The following FHOD3 variants were observed in gnomAD, a reference collection of about 807,000 sequenced individuals.
FHOD3 encodes formin homology 2 domain containing 3.
A neutral mutation model predicts 173.0 loss-of-function variants in FHOD3; 90 were observed. That is an observed-to-expected ratio of 0.52 (90% CI 0.44 to 0.62). FHOD3 has a LOEUF of 0.62. Ranked by LOEUF, FHOD3 falls within the 20% of genes least tolerant of loss-of-function variation. The pLI, the probability that FHOD3 is intolerant of heterozygous loss-of-function variation, is 0.00. For missense variants in FHOD3, 1,945 were observed against 2,034.7 expected (o/e 0.96, Z 0.85); for synonymous variants, 828 against 823.0 (o/e 1.01, Z -0.10).
chr18:36,411,643 A>G (rs2049355661), intron 3 of FHOD3, among the ~76,000 whole-genome samples: 1 of 152,212 alleles, frequency 6.6e-6, no homozygotes, highest in South Asian at 2.1e-4. Context: ...CACATTTACA[A>G]TGTTTGCAGT....
chr18:36,499,311 C>G, intron 3 of FHOD3, among the ~76,000 whole-genome samples: 1 of 152,102 alleles, frequency 6.6e-6, no homozygotes, highest in East Asian at 1.9e-4. Flanking sequence ...ACCATGTTGA[C>G]CAGACTGGTC....
chr18:36,636,119 C>T (rs910952826), intron 10 of FHOD3, among the ~76,000 whole-genome samples: 3 of 152,186 alleles, frequency 2.0e-5, no homozygotes, highest in Non-Finnish European at 4.4e-5. Flanking sequence ...TTTGACCTGT[C>T]CAAACCCCAC....
intron 16 of FHOD3, among the ~76,000 whole-genome samples, chr18:36,692,741 CAG>C (rs1040667156): frequency 3.7e-4 from 57 of 152,290 alleles, no homozygotes; most frequent in African/African-American, 1.3e-3. Flanking sequence ...TTCAGAAATT[CAG>C]AGAGGCAGGC....
intron 3 of FHOD3, among the ~76,000 whole-genome samples, chr18:36,459,902 C>T (rs1274035305): frequency 1.3e-5 from 2 of 152,138 alleles, no homozygotes; most frequent in Non-Finnish European, 2.9e-5. Flanking sequence ...CAGGACCCCA[C>T]ATTACAATGA....
intron 1 of FHOD3, among the ~76,000 whole-genome samples, chr18:36,320,088 C>T (rs571057937): frequency 4.6e-5 from 7 of 152,008 alleles, no homozygotes; most frequent in Non-Finnish European, 8.8e-5. Context: ...GAAGCAAGAG[C>T]AAACAAATTC....
intron 5 of FHOD3, among the ~76,000 whole-genome samples, chr18:36,546,636 G>T (rs1453788918): frequency 1.3e-5 from 2 of 152,176 alleles, no homozygotes; most frequent in Non-Finnish European, 2.9e-5. Flanking sequence ...GTTCAGGTTT[G>T]TCTGTCGCAA....
intron 3 of FHOD3, among the ~76,000 whole-genome samples, chr18:36,451,288 G>A (rs546990738): frequency 3.3e-5 from 5 of 152,290 alleles, no homozygotes; most frequent in Admixed American, 3.3e-4. Context: ...GAACTACTTG[G>A]TACATAATGT....
intron 2 of FHOD3, among the ~76,000 whole-genome samples, chr18:36,369,566 T>G (rs1440308262): frequency 6.7e-6 from 1 of 148,808 alleles, no homozygotes; most frequent in African/African-American, 2.5e-5. Context: ...CCAAATAAGG[T>G]TTTCCTAAGA....
At position 36,335,098 on chromosome 18, in the gene FHOD3, G is replaced by T. The variant is rs8090494; in HGVS notation, c.166-20441G>T. Among the ~76,000 whole-genome samples, 1,115 of 152,344 alleles carry T rather than the reference G, an allele frequency of 7.3e-3. 9 individuals are homozygous for T. The highest frequency in any genetic ancestry group is 0.026 in the African/African-American group (1,067 of 41,570). The stretch of plus-strand genomic sequence containing the variant: ...CACATGGCAGTCGCCTAGGACAGGG[G>T]TGTCTAATCTTTTGGCTTCCCTGGG... On this transcript the variant is annotated intron_variant, in intron 1 of 28. Transcript: ENST00000590592.
At chr18:36,469,155 T>C (rs2053127971) in intron 3 of FHOD3, among the ~76,000 whole-genome samples, 1 of 152,130 alleles carries the variant, frequency 6.6e-6, no homozygotes, top group Non-Finnish European at 1.5e-5. Context: ...GTTTTACATA[T>C]ACCCTCTTCA....
intron 27 of FHOD3, among the ~76,000 whole-genome samples, chr18:36,763,576 TATATA>T (rs569533210): frequency 6.8e-6 from 1 of 146,128 alleles, no homozygotes; most frequent in African/African-American, 2.6e-5. Context: ...ATACACGTTA[TATATA>T]ATATGTGTAT....
At chr18:36,479,931 G>A (rs538190224) in intron 3 of FHOD3, among the ~76,000 whole-genome samples, 1 of 152,142 alleles carries the variant, frequency 6.6e-6, no homozygotes, top group African/African-American at 2.4e-5. Context: ...AGCTTCAGGG[G>A]GCAGAATCAG....
chr18:36,504,632 T>C (rs1045354854), intron 4 of FHOD3, among the ~76,000 whole-genome samples: 2 of 151,898 alleles, frequency 1.3e-5, no homozygotes, highest in African/African-American at 4.8e-5. Flanking sequence ...TTAGGAGATA[T>C]ACCTAATGCT....
chr18:36,614,914 A>C (rs1197334347), intron 9 of FHOD3, among the ~76,000 whole-genome samples: 2 of 138,886 alleles, frequency 1.4e-5, no homozygotes, highest in Non-Finnish European at 3.0e-5. Context: ...GCAATGATGC[A>C]ATCTCGGCTC....
At chr18:36,327,860 AG>A (rs2044753715) in intron 1 of FHOD3, among the ~76,000 whole-genome samples, 1 of 152,226 alleles carries the variant, frequency 6.6e-6, no homozygotes, top group South Asian at 2.1e-4. Flanking sequence ...CTGCCATTGT[AG>A]TGTGAAAGCA....
In FHOD3 at chr18:36,698,750, A is replaced by C. The variant is rs552402249; in HGVS notation, c.2236+5327A>C. Among the ~76,000 whole-genome samples the C allele has an allele frequency of 3.2e-4, 49 of 152,308 alleles. No homozygotes were observed. In the South Asian group the frequency reaches 3.5e-3, roughly 11 times the overall value. The stretch of plus-strand genomic sequence containing the variant: ...CCGTGGATGCTGGCAGAAGACACAA[A>C]ATTCCTGGGTCAGAGACAAAGGACT... On this transcript the variant is annotated intron_variant, in intron 17 of 28. Coordinates refer to ENST00000590592, the MANE Select transcript of FHOD3 (RefSeq NM_001281740.3).
At chr18:36,707,157 G>GA (rs2039927908) in intron 17 of FHOD3, among the ~76,000 whole-genome samples, 1 of 152,170 alleles carries the variant, frequency 6.6e-6, no homozygotes, top group Non-Finnish European at 1.5e-5. Flanking sequence ...TGTGCCCATT[G>GA]GCTTCCTTCT....
chr18:36,764,865 C>T (rs1021430411), intron 27 of FHOD3, among the ~76,000 whole-genome samples: 14 of 152,272 alleles, frequency 9.2e-5, no homozygotes, highest in African/African-American at 3.4e-4. Flanking sequence ...TTTGAAAAAA[C>T]ATTAGAGAAC....
intron 16 of FHOD3, among the ~76,000 whole-genome samples, chr18:36,691,801 T>C (rs2038980203): frequency 2.0e-5 from 3 of 152,246 alleles, no homozygotes; most frequent in Admixed American, 2.0e-4. Context: ...GGCTTCTCCC[T>C]GCATGCTCTG....
Sources: allele counts gnomAD v4.1 joint callset (sites outside exome capture counted in the v4.1 genomes callset), GRCh38; gene constraint gnomAD v4.1.1; transcripts MANE v1.5; gene names NCBI Gene and HGNC (gene_info 2026-07-23, HGNC 2026-07-21).